Variants in MEOX2 observed in about 807,000 individuals in gnomAD.
The protein encoded by MEOX2 is mesenchyme homeobox 2.
A neutral mutation model predicts 27.0 loss-of-function variants in MEOX2; 11 were observed. That is an observed-to-expected ratio of 0.41 (90% confidence interval 0.26 to 0.68). MEOX2 has a LOEUF of 0.68. Among genes scored for constraint, MEOX2 ranks in the 30% least tolerant of loss-of-function variants. The pLI, the probability that MEOX2 is intolerant of heterozygous loss-of-function variation, is 0.33. For missense variants in MEOX2, 436 were observed against 385.4 expected (o/e 1.13, Z -1.10); for synonymous variants, 189 against 155.4 (o/e 1.22, Z -1.61).
intron 1 of MEOX2, 101 bp downstream of exon 1, chr7:15,685,785 C>T: frequency 6.9e-7 from 1 of 1,458,610 alleles, no homozygotes; most frequent in Non-Finnish European, 9.1e-7. Flanking sequence ...ACATTCCCAT[C>T]TTCCCTGCTG....
chr7:15,617,785 C>T (rs975455944), intron 2 of MEOX2, among the ~76,000 whole-genome samples: 1 of 152,074 alleles, frequency 6.6e-6, no homozygotes, highest in Non-Finnish European at 1.5e-5. Flanking sequence ...CATTTTCCTA[C>T]CTCTGTAATT....
intron 1 of MEOX2, among the ~76,000 whole-genome samples, chr7:15,648,274 G>A (rs1781680327): frequency 6.6e-6 from 1 of 152,044 alleles, no homozygotes; most frequent in African/African-American, 2.4e-5. Flanking sequence ...AACTGAATGA[G>A]CATTATTTAA....
At chr7:15,637,861 A>G (rs1781508769) in intron 1 of MEOX2, among the ~76,000 whole-genome samples, 1 of 152,062 alleles carries the variant, frequency 6.6e-6, no homozygotes, top group Admixed American at 6.6e-5. Context: ...ATTGTTGAAA[A>G]TAGGAGAATT....
chr7:15,680,116 AC>A (rs1281990582), intron 1 of MEOX2: 1 of 151,926 alleles, frequency 6.6e-6, no homozygotes, highest in Non-Finnish European at 1.5e-5. Context: ...CCCACTCATG[AC>A]CCATGAAAAT....
At chr7:15,660,877 A>T (rs1027802151) in intron 1 of MEOX2, among the ~76,000 whole-genome samples, 3 of 151,726 alleles carry the variant, frequency 2.0e-5, no homozygotes, top group Admixed American at 6.6e-5. Context: ...GCCAGGCATG[A>T]TGGCGGGTGT....
Position 15,612,141 on chromosome 7 carries a change from C to T in MEOX2, c.*246G>A, listed in dbSNP as rs555317218. The stretch of plus-strand genomic sequence containing the variant: ...AAACACATACCTGCTCACTGCCATA[C>T]GCACGACCAAACACATCTGGAATAT... On this transcript the variant is annotated 3_prime_UTR_variant, in exon 3 of 3. Coordinates refer to ENST00000262041, the MANE Select transcript of MEOX2 (RefSeq NM_005924.5). The T allele has an allele frequency of 5.5e-6, 3 of 542,930 alleles. No homozygotes were observed. The highest frequency in any genetic ancestry group is 3.1e-5 in the Admixed American group (1 of 32,162). The allele number at this position is 542,930 out of a possible 1,614,324, so 33.6% of individuals were successfully genotyped here.
At chr7:15,668,520 C>T (rs553482295) in intron 1 of MEOX2, among the ~76,000 whole-genome samples, 9 of 151,992 alleles carry the variant, frequency 5.9e-5, no homozygotes, top group Admixed American at 1.3e-4. Context: ...TTTGCTCTGT[C>T]GCCCAGGCTG....
At chr7:15,676,258 TA>T (rs1228603754) in intron 1 of MEOX2, 1 of 152,346 alleles carries the variant, frequency 6.6e-6, no homozygotes, top group Admixed American at 6.5e-5. Flanking sequence ...ATGTTCTTTG[TA>T]AAAAGAAATT....
In MEOX2 at chr7:15,661,437, C is replaced by T. The variant is rs183397805; in HGVS notation, c.517+24449G>A. Among the ~76,000 whole-genome samples the T allele has an allele frequency of 3.8e-3, 580 of 152,246 alleles. 4 individuals carry two copies. Among genetic ancestry groups the T allele is most frequent in the African/African-American group, 0.013 (557 of 41,540 alleles). The stretch of plus-strand genomic sequence containing the variant: ...AATGACTTGATCAAATAGCTACCTA[C>T]ATAAACTATGGGGCCTGAATTTTGG... On this transcript the variant is annotated intron_variant, in intron 1 of 2. Coordinates refer to ENST00000262041, the MANE Select transcript of MEOX2 (RefSeq NM_005924.5).
intron 1 of MEOX2, among the ~76,000 whole-genome samples, chr7:15,668,723 G>C (rs878944177): frequency 6.6e-6 from 1 of 151,932 alleles, no homozygotes; most frequent in African/African-American, 2.4e-5. Context: ...TGATCCGCTC[G>C]CCTCAGCCTC....
At chr7:15,673,275 T>C (rs1208777527) in intron 1 of MEOX2, among the ~76,000 whole-genome samples, 1 of 152,222 alleles carries the variant, frequency 6.6e-6, no homozygotes, top group Non-Finnish European at 1.5e-5. Flanking sequence ...TGTAGTCTTC[T>C]GCACTTTATA....
At chr7:15,671,238 T>A (rs1188850690) in intron 1 of MEOX2, among the ~76,000 whole-genome samples, 1 of 152,174 alleles carries the variant, frequency 6.6e-6, no homozygotes, top group Non-Finnish European at 1.5e-5. Context: ...GTGTTGAGAA[T>A]TACTAGTCAG....
chr7:15,626,721 A>G lies in MEOX2; in HGVS notation c.690+25T>C, dbSNP rs769307951. 6 of 1,574,038 alleles carry G rather than the reference A, an allele frequency of 3.8e-6. No homozygotes were observed. In the South Asian group the frequency reaches 5.7e-5, roughly 15 times the overall value. ...GGACCCAGGGCAATTAAAAAAGATC[A>G]TATAATGATAATGCCCAGCTTTACC... On this transcript the variant is annotated intron_variant, in intron 2 of 2. Coordinates refer to ENST00000262041, the MANE Select transcript of MEOX2 (RefSeq NM_005924.5).
At chr7:15,677,564 G>A (rs1411370373) in intron 1 of MEOX2, 3 of 152,204 alleles carry the variant, frequency 2.0e-5, no homozygotes, top group Non-Finnish European at 1.5e-5. Flanking sequence ...GTTACTGGAT[G>A]ATATTCGACA....
intron 2 of MEOX2, among the ~76,000 whole-genome samples, chr7:15,615,343 A>G (rs1781104958): frequency 2.0e-5 from 3 of 151,914 alleles, no homozygotes; most frequent in South Asian, 4.1e-4. Context: ...GTTTGATTCC[A>G]GATTCTGGGT....
intron 1 of MEOX2, among the ~76,000 whole-genome samples, chr7:15,638,991 A>C (rs904622335): frequency 2.6e-5 from 4 of 152,256 alleles, no homozygotes; most frequent in African/African-American, 9.6e-5. Context: ...CCCTTTGGGT[A>C]GATACCCGGT....
rs1416504644 is a variant in MEOX2, at chr7:15,612,225, T to G, written c.*162A>C. On this transcript the variant is annotated 3_prime_UTR_variant, in exon 3 of 3. Coordinates refer to ENST00000262041, the MANE Select transcript of MEOX2 (RefSeq NM_005924.5). The stretch of plus-strand genomic sequence containing the variant: ...GGAAGCTCTTTAATAAGTGGCACTT[T>G]GTGTAAACCCTCTATAAATCATGAA... 1 of 634,248 alleles carries G rather than the reference T, an allele frequency of 1.6e-6. No individual in the cohort carries two copies. Among genetic ancestry groups the G allele is most frequent in the Admixed American group, 2.9e-5 (1 of 34,446 alleles). The allele number at this position is 634,248 out of a possible 1,614,324, so 39.3% of individuals were successfully genotyped here.
chr7:15,638,598 T>C (rs1387315247), intron 1 of MEOX2, among the ~76,000 whole-genome samples: 1 of 152,060 alleles, frequency 6.6e-6, no homozygotes, highest in Non-Finnish European at 1.5e-5. Flanking sequence ...ATCACCTAAA[T>C]AGTGAACATG....
At chr7:15,668,551 G>A (rs1447236327) in intron 1 of MEOX2, among the ~76,000 whole-genome samples, 3 of 151,860 alleles carry the variant, frequency 2.0e-5, no homozygotes, top group African/African-American at 4.8e-5. Flanking sequence ...GCGCTATCTC[G>A]GCTCACTGCA....
Sources: allele counts gnomAD v4.1 joint callset (sites outside exome capture counted in the v4.1 genomes callset), GRCh38; gene constraint gnomAD v4.1.1; transcripts MANE v1.5; gene names NCBI Gene and HGNC (gene_info 2026-07-23, HGNC 2026-07-21).